USP43: variants seen among roughly 807,000 people sequenced by gnomAD.
USP43 encodes the protein ubiquitin specific peptidase 43.
In USP43, 33 loss-of-function variants were observed where a neutral mutation model predicts 90.7. The ratio of observed to expected loss-of-function variants is 0.36; its 90% confidence interval spans 0.28 to 0.49. The LOEUF is 0.49. USP43 is among the 20% of genes least tolerant of loss of function. The pLI, the probability that USP43 is intolerant of heterozygous loss-of-function variation, is 0.98. For missense variants in USP43, 1,274 were observed against 1,476.4 expected (o/e 0.86, Z 2.25); for synonymous variants, 598 against 615.8 (o/e 0.97, Z 0.43).
Position 9,656,537 on chromosome 17 carries a change from C to T in USP43, c.636+3C>T, listed in dbSNP as rs369098030. 11 of 1,609,308 alleles carry T rather than the reference C, an allele frequency of 6.8e-6. No homozygotes were observed. The East Asian group carries it at 1.3e-4, about 20-fold the overall frequency. The stretch of plus-strand genomic sequence containing the variant: ...CCCGAGGGCCGGTGTCGGAGAAGGT[C>T]GGTCACTCTCAAAACAACACAATGT... On this transcript the variant is annotated splice_donor_region_variant and intron_variant, in intron 2 of 14. Transcript: ENST00000285199.
At chr17:9,652,719 A>C (rs938820433) in intron 1 of USP43, among the ~76,000 whole-genome samples, 2 of 152,174 alleles carry the variant, frequency 1.3e-5, no homozygotes, top group East Asian at 3.9e-4. Flanking sequence ...TTATTAAAAA[A>C]AAATTCCAAG....
chr17:9,682,955 G>A lies in USP43; in HGVS notation c.1238G>A (p.Ser413Asn). 1 of 1,613,250 alleles carries A rather than the reference G, an allele frequency of 6.2e-7. No individual in the cohort carries two copies. The highest frequency in any genetic ancestry group is 8.5e-7 in the Non-Finnish European group (1 of 1,179,352). Reference protein sequence around the residue: ...CNLVGSGQQASRFGPPFLIRE... With the variant: ...CNLVGSGQQANRFGPPFLIRE... ...TTGGTGGGGTCAGGGCAGCAGGCTA[G>A]CAGGTATGTTTCACTTTATTCTTTT... The change falls in exon 7 of 15, where the codon AGC becomes AAC. Residue 413 changes from serine (S) to asparagine (N), a missense_variant. Ser to Asn is a conservative substitution (Grantham distance 46). Transcript: ENST00000285199.
intron 2 of USP43, among the ~76,000 whole-genome samples, chr17:9,661,502 G>A (rs1022305396): frequency 6.6e-6 from 1 of 152,122 alleles, no homozygotes; most frequent in Non-Finnish European, 1.5e-5. Flanking sequence ...TGTGACTACA[G>A]GGATGCACCA....
intron 5 of USP43, among the ~76,000 whole-genome samples, chr17:9,679,542 T>A (rs958754642): frequency 2.4e-5 from 3 of 123,416 alleles, no homozygotes; most frequent in Admixed American, 8.0e-5. Flanking sequence ...TTTTTTTTTT[T>A]AATGACGGAG....
chr17:9,707,571 C>T (rs780107539), intron 12 of USP43, among the ~76,000 whole-genome samples: 2 of 146,226 alleles, frequency 1.4e-5, no homozygotes, highest in Non-Finnish European at 3.0e-5. Flanking sequence ...GGCGTGAACC[C>T]GGGAGGTGGA....
chr17:9,680,311 A>G lies in USP43; in HGVS notation c.1050A>G (p.Gly350=), dbSNP rs1914082253. 2 of 1,613,766 alleles carry G rather than the reference A, an allele frequency of 1.2e-6. No homozygotes were observed. The highest frequency in any genetic ancestry group is 1.7e-5 in the Admixed American group (1 of 59,992). Residue 350 remains glycine, a synonymous_variant, in exon 6 of 15, where the codon GGA becomes GGG. Transcript: ENST00000285199. ...DEEDLNTIAE[G]DNVYAFQVPP... is the part of the protein sequence containing the mutation. Reference sequence around the variant, plus strand: ...AGGACCTGAATACCATCGCAGAGGGAGATAATGTGTATGCCTTTCAAGTTC... The same window carrying G: ...AGGACCTGAATACCATCGCAGAGGGGGATAATGTGTATGCCTTTCAAGTTC...
intron 7 of USP43, among the ~76,000 whole-genome samples, chr17:9,684,506 G>A (rs573751462): frequency 6.6e-6 from 1 of 152,286 alleles, no homozygotes; most frequent in East Asian, 1.9e-4. Context: ...GCTCACGCCT[G>A]TAATCCCAGC....
chr17:9,684,115 C>T (rs7219025), intron 7 of USP43, among the ~76,000 whole-genome samples: 6,936 of 151,372 alleles, frequency 0.046, 500 homozygotes, highest in African/African-American at 0.16. Context: ...CCAGCCTGGG[C>T]GACAGATCGA....
rs370289493 is a variant in USP43 at position 9,656,450 on chromosome 17, C to G, written c.552C>G (p.His184Gln). 1.2e-6 allele frequency: 2 copies of G among 1,610,526 alleles called. No homozygotes were observed. The highest frequency in any genetic ancestry group is 8.5e-7 in the Non-Finnish European group (1 of 1,178,434). The change falls in exon 2 of 15, where the codon CAC becomes CAG. Residue 184 changes from histidine to glutamine, a missense_variant. Physicochemically the swap from His to Gln is conservative, Grantham distance 24. Transcript: ENST00000285199. ...CTCAGTTCCAAGGCAATTCCCAGCA[C>G]GACGCCCTGGAATTCCTGCTCTGGT... is the stretch of plus-strand genomic sequence containing the variant. ...YGSQFQGNSQ[H>Q]DALEFLLWLL...
At chr17:9,700,383 T>A in intron 10 of USP43, 134 bp downstream of exon 10, 1 of 749,858 alleles carries the variant, frequency 1.3e-6, no homozygotes, top group Admixed American at 2.9e-5. Flanking sequence ...AACCCGTTCC[T>A]GTGAGATGCC....
chr17:9,725,223 G>A (rs1917200524), intron 14 of USP43, among the ~76,000 whole-genome samples: 1 of 150,624 alleles, frequency 6.6e-6, no homozygotes, highest in Admixed American at 6.6e-5. Flanking sequence ...ATGCTGTGGG[G>A]CTTTATAACC....
rs1296753735 is a variant in USP43, at chr17:9,728,584, A to T, written c.2966A>T (p.Asp989Val). Residue 989 changes from aspartate (D) to valine (V), a missense_variant, in exon 15 of 15, where the codon GAC becomes GTC. Asp to Val is a radical substitution (Grantham distance 152). Coordinates refer to ENST00000285199, the MANE Select transcript of USP43 (RefSeq NM_153210.5). The surrounding 1 kb of genome is among the most constrained non-coding windows in gnomAD (Gnocchi z 6.2). ...AGTCGCCGAGGCACCTCTGAGCTAG[A>T]CAGACCCCTGCAGGGGACACTCACC... ...KDSRRGTSEL[D>V]RPLQGTLTLL... 1 of 1,613,986 alleles carries T rather than the reference A, an allele frequency of 6.2e-7. No individual in the cohort carries two copies. The highest frequency in any genetic ancestry group is 8.5e-7 in the Non-Finnish European group (1 of 1,179,888).
At chr17:9,647,061 C>CAAAAAAAAAAAA (rs11305216) in intron 1 of USP43, 10 of 79,798 alleles carry the variant, frequency 1.3e-4, no homozygotes, top group African/African-American at 3.7e-4. Flanking sequence ...TTGCTTCCTG[C>CAAAAAAAAAAAA]AAAAAAAAAA....
intron 14 of USP43, among the ~76,000 whole-genome samples, chr17:9,724,110 C>T (rs1310354698): frequency 6.6e-6 from 1 of 152,114 alleles, no homozygotes; most frequent in African/African-American, 2.4e-5. Flanking sequence ...CTTTTCTGTC[C>T]CACCCTCTCA....
chr17:9,662,228 A>G (rs910786579), intron 2 of USP43, among the ~76,000 whole-genome samples: 1 of 152,044 alleles, frequency 6.6e-6, no homozygotes, highest in East Asian at 1.9e-4. Context: ...CATGGACTGG[A>G]TTCAGGGTTC....
intron 14 of USP43, among the ~76,000 whole-genome samples, chr17:9,727,532 G>C (rs1273837037): frequency 6.6e-6 from 1 of 151,788 alleles, no homozygotes; most frequent in Non-Finnish European, 1.5e-5. Context: ...GCCCAGGGTA[G>C]GATATCTGAG....
intron 1 of USP43, among the ~76,000 whole-genome samples, chr17:9,655,497 A>G (rs1954289296): frequency 6.6e-6 from 1 of 152,236 alleles, no homozygotes; most frequent in Admixed American, 6.5e-5. Context: ...ATGTGCATAT[A>G]TTACTCTTTG....
chr17:9,700,198 G>T lies in USP43; in HGVS notation c.1484G>T (p.Gly495Val). The change falls in exon 10 of 15, where the codon GGC becomes GTC. Residue 495 changes from glycine to valine, a missense_variant. Coordinates refer to ENST00000285199, the MANE Select transcript of USP43 (RefSeq NM_153210.5). ...GTTTTGCATCTCAGGAGGCCAGGAGGCCCTCCACATGTCAAGCTGGCGGTG... is the reference window on the plus strand; with the variant it reads ...GTTTTGCATCTCAGGAGGCCAGGAGTCCCTCCACATGTCAAGCTGGCGGTG... ...DRVLHLRRPG[G>V]PPHVKLAVEW... 1 of 1,607,034 alleles carries T rather than the reference G, an allele frequency of 6.2e-7. No homozygotes were observed. Among genetic ancestry groups the T allele is most frequent in the Non-Finnish European group, 8.5e-7 (1 of 1,177,012 alleles).
At position 9,674,814 on chromosome 17, in the gene USP43, G is replaced by A; in HGVS notation, c.741-77G>A. On this transcript the variant is annotated intron_variant, in intron 3 of 14. Transcript: ENST00000285199. This position sits in a 1 kb window ranked among gnomAD's most constrained non-coding sequence, Gnocchi z 4.4. ...GAATCACAGGGAGTGGAAATGCAAG[G>A]ATAATTCTGTATTGAATTTTACCCC... The A allele has an allele frequency of 8.2e-7, 1 of 1,218,578 alleles. No individual in the cohort carries two copies. The highest frequency in any genetic ancestry group is 1.2e-6 in the Non-Finnish European group (1 of 824,534). The allele number at this position is 1,218,578 out of a possible 1,614,324, so 75.5% of individuals were successfully genotyped here.
Sources: gnomAD v4.1 joint callset for allele counts (sites outside exome capture counted in the v4.1 genomes callset) on GRCh38, gnomAD v4.1.1 for gene constraint, Gnocchi (gnomAD v3.1) non-coding constraint, MANE v1.5 for transcripts, NCBI Gene and HGNC (gene_info 2026-07-23, HGNC 2026-07-21) for gene names.